Variants in PAX6 observed in about 807,000 individuals in gnomAD.
PAX6 encodes paired box 6.
In PAX6, 7 loss-of-function variants were observed where a neutral mutation model predicts 60.7. The ratio of observed to expected loss-of-function variants is 0.12; its 90% CI spans 0.07 to 0.22. PAX6 has a LOEUF of 0.22. PAX6 is among the 10% of genes least tolerant of loss of function. The pLI, the probability that PAX6 is intolerant of heterozygous loss-of-function variation, is 1.00. For missense variants in PAX6, 355 were observed against 555.2 expected (o/e 0.64, Z 3.62); for synonymous variants, 208 against 201.2 (o/e 1.03, Z -0.29).
chr11:31,802,098 A>G, intron 5 of PAX6, 186 bp from the exon 6 acceptor site: 1 of 605,906 alleles, frequency 1.7e-6, no homozygotes, highest in Admixed American at 3.1e-5. Context: ...CTGAAGATGC[A>G]TCAAAACGAA....
At chr11:31,798,415 T>TG (rs1554984441) in intron 8 of PAX6, among the ~76,000 whole-genome samples, 1 of 152,150 alleles carries the variant, frequency 6.6e-6, no homozygotes, top group Admixed American at 6.5e-5. Flanking sequence ...GCTTTTGGAG[T>TG]ATGGACTCTT....
chr11:31,817,222 C>T (rs1592677858), intron 1 of PAX6, among the ~76,000 whole-genome samples: 1 of 152,380 alleles, frequency 6.6e-6, no homozygotes, highest in Admixed American at 6.5e-5. Flanking sequence ...GGGAGCTTTA[C>T]GCGCTGCCCA....
At chr11:31,816,434 G>C in intron 1 of PAX6, 1 of 661,662 alleles carries the variant, frequency 1.5e-6, no homozygotes, top group Admixed American at 2.1e-5. Flanking sequence ...TCTGGTCAGA[G>C]GTAATTATGT....
rs1956942516 is a variant in PAX6 at position 31,810,943 on chromosome 11, T to C, written c.-244A>G. 2.5e-6 allele frequency: 1 copy of C among 399,242 alleles called. No homozygotes were observed. Among genetic ancestry groups the C allele is most frequent in the Non-Finnish European group, 4.4e-6 (1 of 226,114 alleles). The allele number at this position is 399,242 out of a possible 1,614,324, so 24.7% of individuals were successfully genotyped here. ...CACAATGGTTTGAAATGACGGTGTTTTAAAGGAGTTGCTGGTGAGAGTTTT... is the reference window on the plus strand; with the variant it reads ...CACAATGGTTTGAAATGACGGTGTTCTAAAGGAGTTGCTGGTGAGAGTTTT... On this transcript the variant is annotated 5_prime_UTR_variant, in exon 2 of 14. Transcript: ENST00000640368.
intron 2 of PAX6, chr11:31,810,202 G>C (rs904570263): frequency 6.6e-6 from 1 of 152,360 alleles, no homozygotes; most frequent in Non-Finnish European, 1.5e-5. Flanking sequence ...GACTCCACTC[G>C]GGCTGGTGGC....
At chr11:31,795,042 A>T (rs1951084529) in intron 8 of PAX6, among the ~76,000 whole-genome samples, 1 of 152,228 alleles carries the variant, frequency 6.6e-6, no homozygotes, top group Non-Finnish European at 1.5e-5. Flanking sequence ...ATGAAAAAAT[A>T]AGCACTGAAG....
chr11:31,814,990 GTCTCTCTCTC>G (rs71060502), upstream of PAX6: 421 of 130,336 alleles, frequency 3.2e-3, 4 homozygotes, highest in Middle Eastern at 0.012. Context: ...AGGCCAGCCT[GTCTCTCTCTC>G]TCTCTCTCTC....
intron 2 of PAX6, 129 bp downstream of exon 2, chr11:31,810,699 G>A (rs1157837217): frequency 2.5e-6 from 1 of 397,584 alleles, no homozygotes; most frequent in Admixed American, 4.4e-5. Flanking sequence ...AAACTTCTCC[G>A]GCCCAACTCT....
chr11:31,816,039 A>G (rs1957359225), upstream of PAX6, among the ~76,000 whole-genome samples: 1 of 152,182 alleles, frequency 6.6e-6, no homozygotes, highest in African/African-American at 2.4e-5. Flanking sequence ...GACACCACCC[A>G]GGCTGGCAGC....
At chr11:31,794,416 CACACCACACACA>C in intron 9 of PAX6, 1 of 511,758 alleles carries the variant, frequency 2.0e-6, no homozygotes, top group Non-Finnish European at 3.4e-6. Flanking sequence ...CACACACACA[CACACCACACACA>C]CACACACACA....
At chr11:31,810,708 C>A in intron 2 of PAX6, 120 bp downstream of exon 2, 2 of 397,784 alleles carry the variant, frequency 5.0e-6, no homozygotes, top group Non-Finnish European at 8.9e-6. Flanking sequence ...CGGCCCAACT[C>A]TCCCGGCGTA....
upstream of PAX6, among the ~76,000 whole-genome samples, chr11:31,813,930 G>C (rs1213892419): frequency 2.6e-5 from 4 of 152,168 alleles, no homozygotes; most frequent in Admixed American, 6.5e-5. Flanking sequence ...AGCGGCCTAG[G>C]GGTGTGGGGG....
In PAX6 at chr11:31,794,787, A is replaced by G. The variant is rs1167458038; in HGVS notation, c.567T>C (p.Asp189=). The G allele has an allele frequency of 6.2e-7, 1 of 1,614,162 alleles. No homozygotes were observed. The highest frequency in any genetic ancestry group is 1.1e-5 in the South Asian group (1 of 91,082). ...GTSVPGQPTQ[D]GCQQQEGGGE... ...CCCCTCCTTCCTGTTGCTGGCAGCC[A>G]TCTGGAACAAAAAGAATAGGATGGT... Residue 189 remains aspartate (D), a splice_region_variant and synonymous_variant, in exon 9 of 14, where the codon GAT becomes GAC. Coordinates refer to ENST00000640368, the MANE Select transcript of PAX6 (RefSeq NM_001368894.2).
chr11:31,790,046 T>C (rs773621465), intron 13 of PAX6, 27 bp from the exon 14 acceptor site: 15 of 1,355,654 alleles, frequency 1.1e-5, no homozygotes, highest in Non-Finnish European at 1.5e-5. Context: ...GAAATAGCCA[T>C]GTAGATATTC....
At chr11:31,817,428 T>C (rs998594344) in intron 1 of PAX6, among the ~76,000 whole-genome samples, 1 of 152,258 alleles carries the variant, frequency 6.6e-6, no homozygotes, top group South Asian at 2.1e-4. Flanking sequence ...TGTCGTGAAC[T>C]GCGATGCAGA....
At chr11:31,806,324 C>T in intron 4 of PAX6, 78 bp downstream of exon 4, 1 of 1,528,328 alleles carries the variant, frequency 6.5e-7, no homozygotes, top group Non-Finnish European at 8.9e-7. Flanking sequence ...GCGGGCGTCG[C>T]GAGTCCCTGT....
chr11:31,801,938 T>A, intron 5 of PAX6, 26 bp from the exon 6 acceptor site: 1 of 1,591,438 alleles, frequency 6.3e-7, no homozygotes, highest in Non-Finnish European at 8.6e-7. Context: ...ATACCTTCAA[T>A]GGTATGAGAA....
intron 4 of PAX6, chr11:31,806,082 T>C (rs1482919583): frequency 1.2e-5 from 5 of 419,730 alleles, no homozygotes; most frequent in South Asian, 5.6e-5. Context: ...CTCTCCGGGG[T>C]CAGAGCCCGG....
At chr11:31,800,980 G>A in intron 7 of PAX6, 124 bp from the exon 8 acceptor site, 1 of 1,007,742 alleles carries the variant, frequency 9.9e-7, no homozygotes, top group Non-Finnish European at 1.5e-6. Context: ...AGCCACCCCG[G>A]GACAGTGGGT....
Sources: gnomAD v4.1 joint callset for allele counts (sites outside exome capture counted in the v4.1 genomes callset) on GRCh38, gnomAD v4.1.1 for gene constraint, MANE v1.5 for transcripts, NCBI Gene and HGNC (gene_info 2026-07-23, HGNC 2026-07-21) for gene names.